Variants in VWC2 observed in about 807,000 individuals in gnomAD.
VWC2 encodes von Willebrand factor C domain containing 2, also known as brorin.
VWC2 carries 14 observed loss-of-function variants against 29.8 expected under a neutral mutation model. The ratio of observed to expected loss-of-function variants is 0.47; its 90% CI spans 0.31 to 0.74. The LOEUF (loss-of-function observed/expected upper bound fraction) is 0.74. Ranked by LOEUF, VWC2 falls within the 30% of genes least tolerant of loss-of-function variation. The pLI is 0.05. For synonymous variants in VWC2, 213 were observed against 199.0 expected (o/e 1.07, Z -0.59); for missense variants, 457 against 459.8 (o/e 0.99, Z 0.05).
intron 3 of VWC2, chr7:49,901,110 G>A (rs567320313): frequency 3.9e-5 from 6 of 151,976 alleles, no homozygotes; most frequent in East Asian, 1.9e-4. Flanking sequence ...CTACAACATC[G>A]TACTTACTGT....
chr7:49,850,364 CA>C (rs1290860493), intron 3 of VWC2: 7 of 152,320 alleles, frequency 4.6e-5, no homozygotes, highest in Admixed American at 2.0e-4. Flanking sequence ...CCAAGATGAA[CA>C]AAACTGGCCA....
rs1793605252 is a variant in VWC2 at position 49,914,240 on chromosome 7, T to A, written c.*2055T>A. The A allele has an allele frequency of 1.3e-5, 2 of 152,228 alleles. No homozygotes were observed. The highest frequency in any genetic ancestry group is 4.1e-4 in the South Asian group (2 of 4,830). The allele number at this position is 152,228 out of a possible 1,614,324, so 9.4% of individuals were successfully genotyped here. On this transcript the variant is annotated 3_prime_UTR_variant, in exon 4 of 4. Transcript: ENST00000340652. ...GAGACTCAGTCCATGCAGCTCAAAG[T>A]CTTCCTGTTTCCCTTAATAATAATT...
chr7:49,806,694 T>C (rs1201666905), intron 3 of VWC2, among the ~76,000 whole-genome samples: 3 of 152,006 alleles, frequency 2.0e-5, no homozygotes, highest in Non-Finnish European at 2.9e-5. Context: ...GTAAATGTCA[T>C]GCAGTGGGTT....
At chr7:49,858,441 A>C (rs1583692664) in intron 3 of VWC2, among the ~76,000 whole-genome samples, 1 of 152,146 alleles carries the variant, frequency 6.6e-6, no homozygotes, top group South Asian at 2.1e-4. Context: ...CATTCTCAGC[A>C]AACTATCGCA....
intron 3 of VWC2, among the ~76,000 whole-genome samples, chr7:49,892,537 G>A (rs1185399201): frequency 6.6e-6 from 1 of 152,178 alleles, no homozygotes; most frequent in Non-Finnish European, 1.5e-5. Context: ...TTAGAAATCA[G>A]CAAAGGCACA....
At chr7:49,866,568 AT>A (rs1262797409) in intron 3 of VWC2, among the ~76,000 whole-genome samples, 121 of 152,302 alleles carry the variant, frequency 7.9e-4, no homozygotes, top group African/African-American at 2.7e-3. Context: ...GGGCTTGCCC[AT>A]GTGACTCAGA....
At chr7:49,887,142 G>A (rs529984331) in intron 3 of VWC2, among the ~76,000 whole-genome samples, 53 of 152,214 alleles carry the variant, frequency 3.5e-4, no homozygotes, top group Non-Finnish European at 6.0e-4. Context: ...TTTAACTTCA[G>A]GGATGCTTTA....
intron 3 of VWC2, among the ~76,000 whole-genome samples, chr7:49,823,479 A>G (rs1256043893): frequency 6.6e-6 from 1 of 152,210 alleles, no homozygotes; most frequent in Non-Finnish European, 1.5e-5. Context: ...TCTGTATGGC[A>G]AGCGGGGTGG....
chr7:49,895,624 G>A (rs988881446), intron 3 of VWC2, among the ~76,000 whole-genome samples: 12 of 152,056 alleles, frequency 7.9e-5, no homozygotes, highest in Non-Finnish European at 1.3e-4. Context: ...CTGAAACCAT[G>A]CAAAATCAAC....
chr7:49,860,990 T>C (rs1790628873), intron 3 of VWC2, among the ~76,000 whole-genome samples: 1 of 152,190 alleles, frequency 6.6e-6, no homozygotes. Context: ...AGCAAACCAG[T>C]CTGTGGTATT....
At chr7:49,886,851 A>G (rs1342793495) in intron 3 of VWC2, among the ~76,000 whole-genome samples, 2 of 152,200 alleles carry the variant, frequency 1.3e-5, no homozygotes, top group Non-Finnish European at 2.9e-5. Context: ...CCTTTATTGC[A>G]TAGAAAAATG....
intron 1 of VWC2, among the ~76,000 whole-genome samples, chr7:49,774,385 G>C (rs916079231): frequency 1.3e-5 from 2 of 152,234 alleles, no homozygotes; most frequent in Non-Finnish European, 2.9e-5. Context: ...GGGGGCGTTC[G>C]GGGAGTGAGG....
chr7:49,888,965 C>T (rs914304920), intron 3 of VWC2, among the ~76,000 whole-genome samples: 3 of 152,008 alleles, frequency 2.0e-5, no homozygotes, highest in South Asian at 4.1e-4. Context: ...CCTCAGCAGA[C>T]ATATGGAGGA....
At chr7:49,860,091 T>C (rs1230965921) in intron 3 of VWC2, among the ~76,000 whole-genome samples, 2 of 152,182 alleles carry the variant, frequency 1.3e-5, no homozygotes, top group Non-Finnish European at 1.5e-5. Context: ...TTAAGCTTTT[T>C]TAATTGTGGC....
intron 3 of VWC2, among the ~76,000 whole-genome samples, chr7:49,875,176 C>G (rs1042793969): frequency 3.3e-5 from 5 of 150,886 alleles, no homozygotes; most frequent in African/African-American, 9.7e-5. Flanking sequence ...TCGAGACTAG[C>G]CTGGCCAATA....
At chr7:49,794,292 C>T (rs996304713) in intron 2 of VWC2, among the ~76,000 whole-genome samples, 6 of 152,160 alleles carry the variant, frequency 3.9e-5, no homozygotes, top group African/African-American at 1.4e-4. Flanking sequence ...ATTTGGTTTG[C>T]ATTTTTCTGA....
intron 3 of VWC2, among the ~76,000 whole-genome samples, chr7:49,858,170 C>A (rs1562735621): frequency 1.3e-5 from 2 of 152,124 alleles, no homozygotes. Context: ...TGCTTCCTGG[C>A]TTTTTAATGA....
intron 2 of VWC2, among the ~76,000 whole-genome samples, chr7:49,797,729 T>G (rs917334883): frequency 2.0e-5 from 3 of 152,222 alleles, no homozygotes; most frequent in South Asian, 2.1e-4. Flanking sequence ...ATAGAGAATG[T>G]CTTCATTCTC....
rs751218122 is a variant in VWC2 at position 49,877,210 on chromosome 7, C to G, written c.827-34824C>G. Reference sequence around the variant, plus strand: ...GGCGTAATGGCTCATGCCTGTAATCCCAGCACTTTGGGAGGCCGAAGCAGG... The same window carrying G: ...GGCGTAATGGCTCATGCCTGTAATCGCAGCACTTTGGGAGGCCGAAGCAGG... On this transcript the variant is annotated intron_variant, in intron 3 of 3. Transcript: ENST00000340652. 3.0e-4 allele frequency among the ~76,000 whole-genome samples: 45 copies of G among 151,586 alleles called. 1 individual carries two copies. Among genetic ancestry groups the G allele is most frequent in the Non-Finnish European group, 6.2e-4 (42 of 67,918 alleles).
Sources: allele counts gnomAD v4.1 joint callset (sites outside exome capture counted in the v4.1 genomes callset), GRCh38; gene constraint gnomAD v4.1.1; transcripts MANE v1.5; gene names NCBI Gene and HGNC (gene_info 2026-07-23, HGNC 2026-07-21).